The following DISC1 variants were observed in gnomAD, a reference collection of about 807,000 sequenced individuals.
DISC1 encodes disrupted in schizophrenia 1 protein.
Under a neutral mutation model 84.5 loss-of-function variants are expected in DISC1, and 57 were observed. The ratio of observed to expected loss-of-function variants is 0.67; its 90% CI spans 0.55 to 0.84. DISC1 has a LOEUF of 0.84. Among genes scored for constraint, DISC1 ranks in the 40% least tolerant of loss-of-function variants. DISC1 has a pLI of 0.00. For missense variants in DISC1, 1,000 were observed against 1,057.8 expected (o/e 0.95, Z 0.76); for synonymous variants, 411 against 415.2 (o/e 0.99, Z 0.12).
chr1:231,944,790 A>G (rs1656819759), intron 9 of DISC1: 1 of 152,226 alleles, frequency 6.6e-6, no homozygotes, highest in Admixed American at 6.5e-5. Flanking sequence ...GGAAGTTACA[A>G]TCCTAATCTC....
intron 3 of DISC1, 192 bp downstream of exon 3, chr1:231,702,216 C>T (rs911163520): frequency 1.3e-5 from 17 of 1,331,042 alleles, no homozygotes; most frequent in Non-Finnish European, 1.6e-5. Flanking sequence ...GAACATTAAT[C>T]CTTTGGGTTA....
chr1:231,738,427 T>A lies in DISC1; in HGVS notation c.1118-11499T>A. On this transcript the variant is annotated intron_variant, in intron 3 of 12. Coordinates refer to ENST00000439617, the MANE Select transcript of DISC1 (RefSeq NM_018662.3). ...CTGTCTTCCATGTCCTTGAAAGTTT[T>A]CAGGAGTGTAGACCTTACATTTTGT... Among the ~76,000 whole-genome samples, 2 of 152,218 alleles carry A rather than the reference T, an allele frequency of 1.3e-5. 1 individual carries two copies. The highest frequency in any genetic ancestry group is 2.9e-5 in the Non-Finnish European group (2 of 68,034).
At chr1:231,854,160 G>T (rs1299695853) in intron 9 of DISC1, among the ~76,000 whole-genome samples, 1 of 152,096 alleles carries the variant, frequency 6.6e-6, no homozygotes, top group Non-Finnish European at 1.5e-5. Flanking sequence ...TTTGTTGTCT[G>T]GTGGGCCTGA....
intron 9 of DISC1, chr1:231,866,422 A>G: frequency 1.5e-6 from 1 of 670,920 alleles, no homozygotes; most frequent in Non-Finnish European, 2.8e-6. Flanking sequence ...TTGATTTATT[A>G]AAAAAAATAA....
chr1:231,735,122 A>AATCACACTG (rs2072307737), intron 3 of DISC1, among the ~76,000 whole-genome samples: 1 of 152,204 alleles, frequency 6.6e-6, no homozygotes, highest in Non-Finnish European at 1.5e-5. Context: ...AGTCACTCAA[A>AATCACACTG]ATCACACTGA....
chr1:231,736,095 T>G (rs1482727996), intron 3 of DISC1, among the ~76,000 whole-genome samples: 2 of 152,220 alleles, frequency 1.3e-5, no homozygotes, highest in South Asian at 2.1e-4. Flanking sequence ...ATTATAGACA[T>G]GAGCCTCTGT....
intron 1 of DISC1, among the ~76,000 whole-genome samples, chr1:231,641,497 A>G (rs973312753): frequency 3.3e-5 from 5 of 152,192 alleles, no homozygotes; most frequent in Non-Finnish European, 7.3e-5. Context: ...TCATAAAGGC[A>G]GTGTGGACCC....
chr1:231,971,000 A>G (rs1661875588), intron 10 of DISC1, among the ~76,000 whole-genome samples: 1 of 152,232 alleles, frequency 6.6e-6, no homozygotes, highest in African/African-American at 2.4e-5. Flanking sequence ...GTGCTCTATG[A>G]GCCTGTGCAC....
At chr1:231,911,251 AT>A (rs541456464) in intron 9 of DISC1, among the ~76,000 whole-genome samples, 4 of 152,084 alleles carry the variant, frequency 2.6e-5, no homozygotes, top group Non-Finnish European at 5.9e-5. Flanking sequence ...TCGTTGGTTG[AT>A]GCAGTTTCTT....
chr1:231,963,225 G>C lies in DISC1; in HGVS notation c.2042+4337G>C, dbSNP rs188866649. ...CATCACCCTATTGTAGCTGATACTT[G>C]TTCCCTTATGCTTCCCAATGCCATT... On this transcript the variant is annotated intron_variant, in intron 10 of 12. Transcript: ENST00000439617. Among the ~76,000 whole-genome samples, 3 of 150,930 alleles carry C rather than the reference G, an allele frequency of 2.0e-5. No individual in the cohort carries two copies. In the East Asian group the frequency reaches 5.9e-4, roughly 29 times the overall value.
rs527721502 is a variant in DISC1 at position 231,960,542 on chromosome 1, G to A, written c.2042+1654G>A. Among the ~76,000 whole-genome samples the A allele has an allele frequency of 1.1e-3, 167 of 152,228 alleles. 1 individual carries two copies. The highest frequency in any genetic ancestry group is 3.8e-3 in the African/African-American group (156 of 41,506). ...GCTGGGATTACGGGTGTGCACCATC[G>A]TGCCCGGCCACCTCCTTCTTTATAT... On this transcript the variant is annotated intron_variant, in intron 10 of 12. Transcript: ENST00000439617.
At chr1:231,944,419 A>G (rs1247250584) in intron 9 of DISC1, among the ~76,000 whole-genome samples, 1 of 152,164 alleles carries the variant, frequency 6.6e-6, no homozygotes, top group African/African-American at 2.4e-5. Context: ...GAGGCATAAA[A>G]GCCTTGTCCC....
intron 1 of DISC1, among the ~76,000 whole-genome samples, chr1:231,646,206 A>C (rs988214297): frequency 6.6e-6 from 1 of 151,258 alleles, no homozygotes; most frequent in African/African-American, 2.4e-5. Flanking sequence ...TCCTGTGTCC[A>C]TGTGTTCTCA....
chr1:231,867,033 C>T (rs922858486), intron 9 of DISC1, among the ~76,000 whole-genome samples: 2 of 152,204 alleles, frequency 1.3e-5, no homozygotes, highest in African/African-American at 4.8e-5. Flanking sequence ...AACACAATTA[C>T]ATTCCTTCTT....
chr1:231,818,653 GA>G, intron 9 of DISC1, 136 bp downstream of exon 9: 1 of 1,455,984 alleles, frequency 6.9e-7, no homozygotes, highest in East Asian at 2.5e-5. Context: ...TTTCCTTGGG[GA>G]CATTTTTGGC....
At chr1:231,682,883 G>A (rs1422283599) in intron 1 of DISC1, among the ~76,000 whole-genome samples, 1 of 152,206 alleles carries the variant, frequency 6.6e-6, no homozygotes, top group Non-Finnish European at 1.5e-5. Flanking sequence ...ATCCCACACT[G>A]TATGTCACAT....
intron 9 of DISC1, among the ~76,000 whole-genome samples, chr1:231,834,504 C>T (rs2082484320): frequency 6.6e-6 from 1 of 152,130 alleles, no homozygotes; most frequent in Non-Finnish European, 1.5e-5. Context: ...TTATTTAGAT[C>T]TTGTAGGATG....
intron 9 of DISC1, among the ~76,000 whole-genome samples, chr1:231,948,245 C>T (rs532669946): frequency 2.0e-5 from 3 of 152,230 alleles, no homozygotes; most frequent in Non-Finnish European, 2.9e-5. Flanking sequence ...GAAAATGTGG[C>T]ACATATACAC....
At chr1:231,725,221 A>G (rs2070458672) in intron 3 of DISC1, among the ~76,000 whole-genome samples, 1 of 152,166 alleles carries the variant, frequency 6.6e-6, no homozygotes, top group Non-Finnish European at 1.5e-5. Context: ...TTCTGCACGC[A>G]CAGAATACAT....
Sources: allele counts gnomAD v4.1 joint callset (sites outside exome capture counted in the v4.1 genomes callset), GRCh38; gene constraint gnomAD v4.1.1; transcripts MANE v1.5; gene names NCBI Gene and HGNC (gene_info 2026-07-23, HGNC 2026-07-21).